The following DPP6 variants were observed in gnomAD, a reference collection of about 807,000 sequenced individuals.
DPP6 encodes the protein A-type potassium channel modulatory protein DPP6.
DPP6 carries 69 observed loss-of-function variants against 122.6 expected under a neutral mutation model. That is an observed-to-expected ratio of 0.56 (90% CI 0.46 to 0.69). The LOEUF is 0.69. Among genes scored for constraint, DPP6 ranks in the 30% least tolerant of loss-of-function variants. The pLI is 0.00. For synonymous variants in DPP6, 418 were observed against 433.1 expected (o/e 0.97, Z 0.43); for missense variants, 928 against 1,116.9 (o/e 0.83, Z 2.41).
chr7:153,914,589 G>C (rs991465631), intron 1 of DPP6, among the ~76,000 whole-genome samples: 1 of 152,184 alleles, frequency 6.6e-6, no homozygotes, highest in Non-Finnish European at 1.5e-5. Flanking sequence ...CATATTTAGA[G>C]TTGTGCTACC....
intron 12 of DPP6, among the ~76,000 whole-genome samples, chr7:154,799,202 G>A (rs1259897396): frequency 1.3e-5 from 2 of 152,174 alleles, no homozygotes; most frequent in Non-Finnish European, 2.9e-5. Context: ...CATCTGAGCT[G>A]TTCATCTGAG....
In DPP6 at chr7:153,958,539, C is replaced by T. The variant is rs572413502; in HGVS notation, c.51+70805C>T. On this transcript the variant is annotated intron_variant, in intron 1 of 25. Transcript: ENST00000404039. ...GGAGACCTCACCCTAGCCCCAGCTA[C>T]ACTTGCAGGTCGAGCCAAGAGCTGA... Among the ~76,000 whole-genome samples the T allele has an allele frequency of 1.9e-4, 29 of 152,272 alleles. No homozygotes were observed. In the South Asian group the frequency reaches 5.8e-3, roughly 30 times the overall value.
intron 8 of DPP6, among the ~76,000 whole-genome samples, chr7:154,762,796 C>T (rs1322715656): frequency 6.6e-6 from 1 of 152,200 alleles, no homozygotes; most frequent in African/African-American, 2.4e-5. Context: ...ACTTTACATT[C>T]TGTCTTAAAG....
chr7:154,126,892 T>C (rs1807930920), intron 1 of DPP6, among the ~76,000 whole-genome samples: 1 of 152,208 alleles, frequency 6.6e-6, no homozygotes, highest in Non-Finnish European at 1.5e-5. Context: ...AAAATATCCC[T>C]ATTTTCTAGT....
the DPP6 span, among the ~76,000 whole-genome samples, chr7:153,835,819 C>T: frequency 1.7e-4 from 26 of 152,176 alleles, no homozygotes; most frequent in Non-Finnish European, 3.4e-4. Context: ...AAGCTGCTTA[C>T]TGGCCTTTTC....
At chr7:154,304,938 G>T (rs1044006962) in intron 1 of DPP6, among the ~76,000 whole-genome samples, 8 of 152,090 alleles carry the variant, frequency 5.3e-5, no homozygotes, top group Non-Finnish European at 1.2e-4. Flanking sequence ...GGCGCGGCGC[G>T]GGGCCCTGAT....
intron 5 of DPP6, among the ~76,000 whole-genome samples, chr7:154,594,730 C>T (rs1832991309): frequency 2.6e-5 from 4 of 152,184 alleles, no homozygotes; most frequent in South Asian, 4.1e-4. Flanking sequence ...CAACGTTGAA[C>T]TTACAGTAAA....
chr7:154,235,675 G>A (rs1801168606), intron 1 of DPP6, among the ~76,000 whole-genome samples: 1 of 152,120 alleles, frequency 6.6e-6, no homozygotes, highest in Non-Finnish European at 1.5e-5. Flanking sequence ...TGTTCCAAAA[G>A]CTAGAATCCC....
intron 1 of DPP6, among the ~76,000 whole-genome samples, chr7:154,080,022 T>C (rs56061551): frequency 0.44 from 64,635 of 148,340 alleles, 14,459 homozygotes; most frequent in East Asian, 0.5. Context: ...TTGAAACTTG[T>C]GGGCTGGGAA....
intron 16 of DPP6, among the ~76,000 whole-genome samples, chr7:154,824,892 G>A (rs961043962): frequency 2.0e-5 from 3 of 152,098 alleles, no homozygotes; most frequent in South Asian, 2.1e-4. Context: ...GAGAACCCCC[G>A]GTCTCTGACA....
chr7:153,756,115 G>T, the DPP6 span, among the ~76,000 whole-genome samples: 1 of 151,874 alleles, frequency 6.6e-6, no homozygotes, highest in African/African-American at 2.4e-5. Context: ...TCTCCAGCTT[G>T]ATTTTGGACT....
At chr7:154,880,307 A>G (rs1314993001) in intron 20 of DPP6, among the ~76,000 whole-genome samples, 1 of 152,234 alleles carries the variant, frequency 6.6e-6, no homozygotes, top group Non-Finnish European at 1.5e-5. Flanking sequence ...CCAGAGCACC[A>G]AGCGGCTGCT....
At chr7:154,367,982 A>G (rs967183162) in intron 1 of DPP6, among the ~76,000 whole-genome samples, 1 of 151,990 alleles carries the variant, frequency 6.6e-6, no homozygotes. Flanking sequence ...GATTTTTTGT[A>G]TTTTTAGTAG....
the DPP6 span, among the ~76,000 whole-genome samples, chr7:153,872,494 G>T: frequency 1.3e-5 from 2 of 152,292 alleles, no homozygotes; most frequent in African/African-American, 2.4e-5. Context: ...GTTGCCAGAA[G>T]AATTCTCATT....
At chr7:154,843,382 G>GA (rs771984235) in intron 16 of DPP6, among the ~76,000 whole-genome samples, 1 of 152,234 alleles carries the variant, frequency 6.6e-6, no homozygotes, top group South Asian at 2.1e-4. Context: ...GATATTGGCT[G>GA]GGAAAAAAAC....
chr7:154,341,026 T>C (rs1052689406), intron 1 of DPP6, among the ~76,000 whole-genome samples: 3 of 152,224 alleles, frequency 2.0e-5, no homozygotes, highest in Non-Finnish European at 4.4e-5. Flanking sequence ...CATAAACTTA[T>C]AAATTACATT....
At chr7:154,490,639 A>G (rs1022722943) in intron 3 of DPP6, among the ~76,000 whole-genome samples, 1 of 152,248 alleles carries the variant, frequency 6.6e-6, no homozygotes. Flanking sequence ...ACAAATTCCT[A>G]ATAAAAGTCT....
chr7:153,846,687 C>CTTT, the DPP6 span, among the ~76,000 whole-genome samples: 6,888 of 78,294 alleles, frequency 0.088, 582 homozygotes, highest in South Asian at 0.19. Flanking sequence ...TGGCTTGGTT[C>CTTT]TTTTTTTTTT....
intron 1 of DPP6, among the ~76,000 whole-genome samples, chr7:153,946,206 A>T (rs1274180847): frequency 6.6e-6 from 1 of 152,220 alleles, no homozygotes; most frequent in Non-Finnish European, 1.5e-5. Flanking sequence ...TGATTAGAGA[A>T]ATAAAGAAAC....
Sources: gnomAD v4.1 joint callset for allele counts (sites outside exome capture counted in the v4.1 genomes callset) on GRCh38, gnomAD v4.1.1 for gene constraint, MANE v1.5 for transcripts, NCBI Gene and HGNC (gene_info 2026-07-23, HGNC 2026-07-21) for gene names.